DPYD: variants seen among roughly 807,000 people sequenced by gnomAD.
The protein encoded by DPYD is dihydropyrimidine dehydrogenase, also known as dihydropyrimidine dehydrogenase [NADP(+)].
Under a neutral mutation model 116.2 loss-of-function variants are expected in DPYD, and 109 were observed. The observed-to-expected ratio is 0.94, with a 90% CI of 0.80 to 1.10. The LOEUF (loss-of-function observed/expected upper bound fraction) is 1.10, where lower values mean the gene tolerates loss of function less well. Among genes scored for constraint, DPYD ranks in the 50% least tolerant of loss-of-function variants. DPYD has a pLI of 0.00. For synonymous variants in DPYD, 440 were observed against 432.0 expected (o/e 1.02, Z -0.23); for missense variants, 1,302 against 1,254.5 (o/e 1.04, Z -0.57).
intron 20 of DPYD, among the ~76,000 whole-genome samples, chr1:97,106,535 C>T (rs1455096289): frequency 1.3e-5 from 2 of 152,148 alleles, no homozygotes; most frequent in Non-Finnish European, 2.9e-5. Flanking sequence ...TTCGCATGCT[C>T]TTGGATATCA....
At position 97,352,327 on chromosome 1, in the gene DPYD, C is replaced by T. The variant is rs1457034344; in HGVS notation, c.2058+21234G>A. On this transcript the variant is annotated intron_variant, in intron 16 of 22. Transcript: ENST00000370192. ...TGATGGTTCCCAGTGTCTCTAACAT[C>T]TGCATGAGGCCTGCTACCTAATAGT... Among the ~76,000 whole-genome samples the T allele has an allele frequency of 3.3e-5, 5 of 152,214 alleles. No individual in the cohort carries two copies. The East Asian group carries it at 9.6e-4, about 29-fold the overall frequency.
intron 10 of DPYD, among the ~76,000 whole-genome samples, chr1:97,577,808 T>C (rs897474340): frequency 6.6e-6 from 1 of 152,040 alleles, no homozygotes; most frequent in African/African-American, 2.4e-5. Context: ...TATTGTCTTA[T>C]TATTTTTGTT....
intron 16 of DPYD, among the ~76,000 whole-genome samples, chr1:97,349,429 T>G (rs947807287): frequency 6.6e-6 from 1 of 152,032 alleles, no homozygotes; most frequent in African/African-American, 2.4e-5. Context: ...ATGTGCCATG[T>G]TGGTGTGCTG....
intron 14 of DPYD, among the ~76,000 whole-genome samples, chr1:97,405,853 T>C (rs4949949): frequency 0.074 from 11,317 of 152,196 alleles, 577 homozygotes; most frequent in East Asian, 0.17. Flanking sequence ...CAGTCTATTC[T>C]TGCTCTTTAG....
chr1:97,306,403 G>A, intron 16 of DPYD, 106 bp from the exon 17 acceptor site: 1 of 1,394,834 alleles, frequency 7.2e-7, no homozygotes, highest in Non-Finnish European at 1.0e-6. Context: ...AATCCAACTT[G>A]ACAATGAGCT....
chr1:97,167,475 CA>C (rs1656412352), intron 20 of DPYD, among the ~76,000 whole-genome samples: 1 of 152,060 alleles, frequency 6.6e-6, no homozygotes, highest in African/African-American at 2.4e-5. Flanking sequence ...TAACTGAGAT[CA>C]AATTATATCC....
At chr1:97,633,209 C>A (rs1657373189) in intron 8 of DPYD, among the ~76,000 whole-genome samples, 1 of 151,828 alleles carries the variant, frequency 6.6e-6, no homozygotes, top group African/African-American at 2.4e-5. Context: ...AAGTTATATT[C>A]AATAAGAAAG....
intron 12 of DPYD, among the ~76,000 whole-genome samples, chr1:97,543,997 T>G (rs145913214): frequency 2.2e-4 from 34 of 152,268 alleles, no homozygotes; most frequent in African/African-American, 6.5e-4. Flanking sequence ...AGGAGAAATC[T>G]TGGTATGCTT....
At chr1:97,897,510 A>T (rs879628445) in intron 1 of DPYD, among the ~76,000 whole-genome samples, 1 of 151,830 alleles carries the variant, frequency 6.6e-6, no homozygotes, top group Non-Finnish European at 1.5e-5. Context: ...TTACATGTAT[A>T]TGAGGCCACT....
At chr1:97,234,257 C>A (rs960821777) in intron 19 of DPYD, among the ~76,000 whole-genome samples, 1 of 152,028 alleles carries the variant, frequency 6.6e-6, no homozygotes, top group Non-Finnish European at 1.5e-5. Flanking sequence ...TATATGAATA[C>A]TTTTTAATGT....
chr1:97,215,061 C>A (rs370350832), intron 19 of DPYD, among the ~76,000 whole-genome samples: 5 of 152,148 alleles, frequency 3.3e-5, no homozygotes, highest in African/African-American at 1.2e-4. Flanking sequence ...ATGATGATGG[C>A]TGATGATGAT....
At chr1:97,367,594 A>G (rs1570604131) in intron 16 of DPYD, among the ~76,000 whole-genome samples, 1 of 152,174 alleles carries the variant, frequency 6.6e-6, no homozygotes, top group Non-Finnish European at 1.5e-5. Flanking sequence ...GTGGCAAGAT[A>G]TAACAGATGA....
rs1057516357 is a variant in DPYD at position 97,573,759 on chromosome 1, C to A, written c.1339+1G>T. 3 of 1,613,432 alleles carry A rather than the reference C, an allele frequency of 1.9e-6. No homozygotes were observed. ...ACACATTTCAGCTCCCAGCACTGTA[C>A]CTTTAGGATCACTCAGAACTGAACC... On this transcript the variant is annotated splice_donor_variant, in intron 11 of 22. Transcript: ENST00000370192. LOFTEE classifies it high-confidence loss of function.
intron 11 of DPYD, among the ~76,000 whole-genome samples, chr1:97,552,714 A>G (rs1651414445): frequency 6.6e-6 from 1 of 152,094 alleles, no homozygotes; most frequent in Non-Finnish European, 1.5e-5. Context: ...TAACCTCATT[A>G]AAAATCAAAC....
chr1:97,583,756 G>T (rs1003345661), intron 10 of DPYD, among the ~76,000 whole-genome samples: 1 of 149,346 alleles, frequency 6.7e-6, no homozygotes, highest in East Asian at 2.0e-4. Flanking sequence ...ATAAAAATGT[G>T]ACGCAATATT....
chr1:97,105,500 A>G (rs1029098945), intron 20 of DPYD, among the ~76,000 whole-genome samples: 2 of 152,108 alleles, frequency 1.3e-5, no homozygotes, highest in Non-Finnish European at 2.9e-5. Flanking sequence ...AAAATCAGGG[A>G]AACAGGGTTG....
intron 13 of DPYD, among the ~76,000 whole-genome samples, chr1:97,455,300 G>A (rs927187161): frequency 1.3e-4 from 20 of 151,826 alleles, no homozygotes; most frequent in Admixed American, 5.3e-4. Context: ...TTGTTGATAA[G>A]GTTTTATCAG....
At chr1:97,749,137 G>A (rs1664728097) in intron 3 of DPYD, among the ~76,000 whole-genome samples, 1 of 152,038 alleles carries the variant, frequency 6.6e-6, no homozygotes, top group African/African-American at 2.4e-5. Flanking sequence ...TAATGAGATG[G>A]CAACAAAATA....
Position 97,549,558 on chromosome 1 carries a change from A to G in DPYD, c.1524+2T>C. The G allele has an allele frequency of 6.2e-7, 1 of 1,613,798 alleles. No individual in the cohort carries two copies. Among genetic ancestry groups the G allele is most frequent in the Non-Finnish European group, 8.5e-7 (1 of 1,179,782 alleles). On this transcript the variant is annotated splice_donor_variant, in intron 12 of 22. Transcript: ENST00000370192. LOFTEE classifies it high-confidence loss of function. ...TAAGTGGAAATGATGGCAAATGCCT[A>G]CCTGTACGTATTTGTGAATGTACCA...
Sources: allele counts gnomAD v4.1 joint callset (sites outside exome capture counted in the v4.1 genomes callset), GRCh38; gene constraint gnomAD v4.1.1; transcripts MANE v1.5; gene names NCBI Gene and HGNC (gene_info 2026-07-23, HGNC 2026-07-21).